The following CYP2C18 variants were observed in gnomAD, a reference collection of about 807,000 sequenced individuals.
CYP2C18 encodes the protein cytochrome P450 family 2 subfamily C member 18.
In CYP2C18, 38 loss-of-function variants were observed where a neutral mutation model predicts 41.3. The observed-to-expected ratio is 0.92, with a 90% confidence interval of 0.71 to 1.21. The LOEUF (loss-of-function observed/expected upper bound fraction) is 1.21. Among genes scored for constraint, CYP2C18 ranks in the 50% most tolerant of loss-of-function variants. The pLI, the probability that CYP2C18 is intolerant of heterozygous loss-of-function variation, is 0.00. For synonymous variants in CYP2C18, 236 were observed against 210.0 expected (o/e 1.12, Z -1.07); for missense variants, 635 against 591.4 (o/e 1.07, Z -0.77).
chr10:94,720,034 T>C (rs1263691057), intron 5 of CYP2C18, among the ~76,000 whole-genome samples: 2 of 152,138 alleles, frequency 1.3e-5, no homozygotes, highest in East Asian at 3.9e-4. Flanking sequence ...TAAATATTCA[T>C]GTTCCAAGGT....
At chr10:94,726,907 G>A (rs970165286) in intron 7 of CYP2C18, among the ~76,000 whole-genome samples, 1 of 152,128 alleles carries the variant, frequency 6.6e-6, no homozygotes, top group African/African-American at 2.4e-5. Flanking sequence ...AAGGATTGGA[G>A]TTTGATAAGG....
intron 4 of CYP2C18, among the ~76,000 whole-genome samples, chr10:94,698,935 G>A (rs1847176144): frequency 6.6e-6 from 1 of 152,142 alleles, no homozygotes; most frequent in African/African-American, 2.4e-5. Flanking sequence ...CCAGGAAGAA[G>A]TTGAATCCCT....
intron 3 of CYP2C18, among the ~76,000 whole-genome samples, chr10:94,691,415 C>A (rs956376665): frequency 1.3e-5 from 2 of 152,110 alleles, no homozygotes; most frequent in Admixed American, 6.6e-5. Context: ...AGTGAACTCC[C>A]ATTCACAATT....
At chr10:94,725,710 C>T (rs1431021169) in intron 7 of CYP2C18, among the ~76,000 whole-genome samples, 1 of 151,912 alleles carries the variant, frequency 6.6e-6, no homozygotes, top group African/African-American at 2.4e-5. Context: ...CTGCATCAAT[C>T]GATATGGCCA....
intron 3 of CYP2C18, among the ~76,000 whole-genome samples, 153 bp downstream of exon 3, chr10:94,688,427 A>G (rs1210233328): frequency 6.6e-6 from 1 of 152,174 alleles, no homozygotes; most frequent in Non-Finnish European, 1.5e-5. Context: ...GGTGTTTAGG[A>G]TATGCATCAC....
At chr10:94,690,569 G>T (rs1161954278) in intron 3 of CYP2C18, among the ~76,000 whole-genome samples, 1 of 152,044 alleles carries the variant, frequency 6.6e-6, no homozygotes. Flanking sequence ...AAAAGTCCAG[G>T]ACCAGATGGA....
At chr10:94,690,228 C>T (rs184897584) in intron 3 of CYP2C18, among the ~76,000 whole-genome samples, 208 of 152,150 alleles carry the variant, frequency 1.4e-3, no homozygotes, top group African/African-American at 4.7e-3. Context: ...TTTATTTATC[C>T]TCTCCCCATC....
rs571202375 is a variant in CYP2C18, at chr10:94,690,483, G to T, written c.481+2209G>T. ...CATACACTCTCCCAAGACTAAACCAGGAAGAAGTTGAATCTCTGAATAGAC... is the reference window on the plus strand; with the variant it reads ...CATACACTCTCCCAAGACTAAACCATGAAGAAGTTGAATCTCTGAATAGAC... On this transcript the variant is annotated intron_variant, in intron 3 of 8. Transcript: ENST00000285979. Among the ~76,000 whole-genome samples the T allele has an allele frequency of 6.6e-5, 10 of 152,256 alleles. No homozygotes were observed. The South Asian group carries it at 2.1e-3, about 32-fold the overall frequency.
intron 3 of CYP2C18, among the ~76,000 whole-genome samples, chr10:94,690,974 A>G (rs1227050007): frequency 2.0e-5 from 3 of 151,938 alleles, no homozygotes; most frequent in African/African-American, 2.4e-5. Flanking sequence ...AAATTCAACA[A>G]CCCTTCATGC....
chr10:94,715,361 C>T (rs1310053291), intron 5 of CYP2C18, among the ~76,000 whole-genome samples: 1 of 152,106 alleles, frequency 6.6e-6, no homozygotes. Flanking sequence ...CCCATCAATA[C>T]CGAATTTATT....
At chr10:94,708,172 C>T (rs1847375588) in intron 5 of CYP2C18, among the ~76,000 whole-genome samples, 1 of 152,054 alleles carries the variant, frequency 6.6e-6, no homozygotes, top group Non-Finnish European at 1.5e-5. Context: ...ATGAAATTGC[C>T]CATGGAATGT....
chr10:94,711,994 A>G (rs981235075), intron 5 of CYP2C18, among the ~76,000 whole-genome samples: 1 of 122,862 alleles, frequency 8.1e-6, no homozygotes, highest in Non-Finnish European at 1.7e-5. Flanking sequence ...GGTGCATGCC[A>G]CCATGCCCAA....
chr10:94,695,039 A>C lies in CYP2C18; in HGVS notation c.604A>C (p.Asn202His). The C allele has an allele frequency of 6.2e-7, 1 of 1,613,102 alleles. No homozygotes were observed. Among genetic ancestry groups the C allele is most frequent in the Non-Finnish European group, 8.5e-7 (1 of 1,179,824 alleles). ...QRFLNLMEKF[N>H]ENLRILSSPW... ...GTTTCTTAACTTGATGGAAAAATTC[A>C]ATGAAAACCTCAGGATTCTGAGCTC... is the stretch of plus-strand genomic sequence containing the variant. The change falls in exon 4 of 9, where the codon AAT becomes CAT. Residue 202 changes from asparagine to histidine, a missense_variant. Physicochemically the swap from Asn to His is moderately conservative, Grantham distance 68. Coordinates refer to ENST00000285979, the MANE Select transcript of CYP2C18 (RefSeq NM_000772.3).
At chr10:94,699,498 C>A (rs1847191114) in intron 4 of CYP2C18, among the ~76,000 whole-genome samples, 1 of 152,134 alleles carries the variant, frequency 6.6e-6, no homozygotes, top group Non-Finnish European at 1.5e-5. Context: ...TAAGAGCTAT[C>A]TATGACAAAC....
At chr10:94,708,703 A>G (rs1021760906) in intron 5 of CYP2C18, among the ~76,000 whole-genome samples, 7 of 152,202 alleles carry the variant, frequency 4.6e-5, no homozygotes, top group Non-Finnish European at 8.8e-5. Flanking sequence ...CATTTCCATC[A>G]TCCTGAAAAG....
intron 5 of CYP2C18, among the ~76,000 whole-genome samples, chr10:94,717,320 C>T (rs373784005): frequency 1.3e-3 from 191 of 152,150 alleles, no homozygotes; most frequent in African/African-American, 3.9e-3. Flanking sequence ...TGGCTGGTAG[C>T]GGTTTTTGCT....
intron 4 of CYP2C18, among the ~76,000 whole-genome samples, chr10:94,697,546 T>C (rs1194574861): frequency 2.0e-5 from 3 of 152,096 alleles, no homozygotes; most frequent in Admixed American, 1.3e-4. Flanking sequence ...GTAAAGACCA[T>C]CGAGGCTGGG....
intron 7 of CYP2C18, among the ~76,000 whole-genome samples, chr10:94,727,633 A>G (rs923007929): frequency 6.6e-6 from 1 of 151,930 alleles, no homozygotes; most frequent in African/African-American, 2.4e-5. Context: ...CAAAAAAAAA[A>G]GAGGAAAGAA....
At chr10:94,720,360 A>G (rs1847625946) in intron 5 of CYP2C18, 36 bp from the exon 6 acceptor site, 1 of 1,535,948 alleles carries the variant, frequency 6.5e-7, no homozygotes, top group Non-Finnish European at 8.8e-7. Context: ...ATGCTGGCAA[A>G]CTACCAAATA....
Sources: allele counts gnomAD v4.1 joint callset (sites outside exome capture counted in the v4.1 genomes callset), GRCh38; gene constraint gnomAD v4.1.1; transcripts MANE v1.5; gene names NCBI Gene and HGNC (gene_info 2026-07-23, HGNC 2026-07-21).